The following NCALD variants were observed in gnomAD, a reference collection of about 807,000 sequenced individuals.
The protein encoded by NCALD is neurocalcin delta, also known as neurocalcin-delta.
NCALD carries 10 observed loss-of-function variants against 18.6 expected under a neutral mutation model. That is an observed-to-expected ratio of 0.54 (90% confidence interval 0.33 to 0.91). The LOEUF (loss-of-function observed/expected upper bound fraction) is 0.91, where lower values mean the gene tolerates loss of function less well. NCALD is among the 40% of genes least tolerant of loss of function. The pLI is 0.03. For missense variants in NCALD, 184 were observed against 247.6 expected (o/e 0.74, Z 1.72); for synonymous variants, 88 against 87.4 (o/e 1.01, Z -0.04).
intron 2 of NCALD, among the ~76,000 whole-genome samples, chr8:101,708,763 T>C (rs1815647124): frequency 6.6e-6 from 1 of 152,172 alleles, no homozygotes; most frequent in Admixed American, 6.5e-5. Context: ...CTGGGGTCTC[T>C]ACCCTTAATA....
At chr8:102,034,072 G>A (rs1207427679) in intron 1 of NCALD, among the ~76,000 whole-genome samples, 1 of 150,484 alleles carries the variant, frequency 6.6e-6, no homozygotes, top group African/African-American at 2.5e-5. Flanking sequence ...AGTTACAGAA[G>A]TAAGGGCTAT....
chr8:102,050,839 A>G (rs938937145), intron 1 of NCALD, among the ~76,000 whole-genome samples: 27 of 145,998 alleles, frequency 1.8e-4, no homozygotes, highest in Non-Finnish European at 3.3e-4. Context: ...TAATTTAATC[A>G]TTTTTAATTT....
chr8:102,082,787 T>A (rs1824594627), intron 1 of NCALD, among the ~76,000 whole-genome samples: 1 of 152,130 alleles, frequency 6.6e-6, no homozygotes, highest in Admixed American at 6.5e-5. Context: ...TTCCTGGCCG[T>A]AAGAGGCTGA....
chr8:101,748,263 CATTTACGTTTAGCAG>C (rs1810508546), intron 1 of NCALD, among the ~76,000 whole-genome samples: 1 of 152,154 alleles, frequency 6.6e-6, no homozygotes, highest in South Asian at 2.1e-4. Context: ...TTAATCTAAG[CATTTACGTTTAGCAG>C]ATTTATGACA....
At chr8:101,933,916 A>T (rs1429615406) in intron 2 of NCALD, among the ~76,000 whole-genome samples, 1 of 152,256 alleles carries the variant, frequency 6.6e-6, no homozygotes, top group Non-Finnish European at 1.5e-5. Flanking sequence ...GAGACTTCAT[A>T]AATATATGAT....
intron 1 of NCALD, among the ~76,000 whole-genome samples, chr8:102,086,837 T>C (rs1213785372): frequency 6.6e-6 from 1 of 152,154 alleles, no homozygotes; most frequent in Non-Finnish European, 1.5e-5. Context: ...AATATATTGC[T>C]GATAAAACAG....
intron 4 of NCALD, among the ~76,000 whole-genome samples, chr8:101,850,270 C>T (rs1341000995): frequency 1.3e-5 from 2 of 152,174 alleles, no homozygotes; most frequent in Non-Finnish European, 2.9e-5. Context: ...TGAAGCAGAA[C>T]CCAGATGACT....
chr8:101,879,329 T>C (rs989012608), intron 4 of NCALD, among the ~76,000 whole-genome samples: 1 of 152,188 alleles, frequency 6.6e-6, no homozygotes, highest in Non-Finnish European at 1.5e-5. Context: ...GCTGGGTTCG[T>C]GGTCTCACTG....
Position 101,689,420 on chromosome 8 carries a change from G to A in NCALD, c.485-14C>T, listed in dbSNP as rs1220983881. 1 of 1,583,928 alleles carries A rather than the reference G, an allele frequency of 6.3e-7. No homozygotes were observed. The highest frequency in any genetic ancestry group is 1.7e-4 in the Middle Eastern group (1 of 5,996). ...GGGAGAGTTTTCCTAGGAAGCAAGA[G>A]GACAGGTGAGTGGTGGCTGGTGGCA... On this transcript the variant is annotated splice_polypyrimidine_tract_variant and intron_variant, in intron 3 of 3. Coordinates refer to ENST00000220931, the MANE Select transcript of NCALD (RefSeq NM_032041.3). The surrounding 1 kb of genome is among the most constrained non-coding windows in gnomAD (Gnocchi z 4.4).
chr8:102,095,142 A>T (rs1825050788), intron 1 of NCALD, among the ~76,000 whole-genome samples: 1 of 152,212 alleles, frequency 6.6e-6, no homozygotes, highest in Non-Finnish European at 1.5e-5. Context: ...AGTGAGGCCC[A>T]TGTCACATGA....
intron 4 of NCALD, among the ~76,000 whole-genome samples, chr8:101,812,713 T>C (rs1813352311): frequency 6.6e-6 from 1 of 152,162 alleles, no homozygotes; most frequent in African/African-American, 2.4e-5. Flanking sequence ...CTAAAAGAAT[T>C]AGGGGCTTGA....
At chr8:102,009,668 G>GA (rs1372282505) in intron 2 of NCALD, among the ~76,000 whole-genome samples, 2 of 152,188 alleles carry the variant, frequency 1.3e-5, no homozygotes, top group Non-Finnish European at 2.9e-5. Context: ...CAGATTTGCT[G>GA]TTTCAGGTAA....
chr8:101,841,343 G>C (rs1286998184), intron 4 of NCALD, among the ~76,000 whole-genome samples: 1 of 152,150 alleles, frequency 6.6e-6, no homozygotes, highest in Non-Finnish European at 1.5e-5. Context: ...ACCCCTTGCT[G>C]TCCTCCTAAT....
At chr8:102,080,983 T>C (rs1350715245) in intron 1 of NCALD, among the ~76,000 whole-genome samples, 2 of 152,208 alleles carry the variant, frequency 1.3e-5, no homozygotes, top group African/African-American at 2.4e-5. Flanking sequence ...CCCCAAAGTG[T>C]GGTGTCCAGC....
At chr8:101,818,174 T>G (rs1041979930) in intron 4 of NCALD, among the ~76,000 whole-genome samples, 3 of 152,218 alleles carry the variant, frequency 2.0e-5, no homozygotes, top group African/African-American at 7.2e-5. Flanking sequence ...CTTCCATCCA[T>G]TCCATTATCA....
At chr8:102,004,823 C>A (rs1274699189) in intron 2 of NCALD, among the ~76,000 whole-genome samples, 3 of 152,078 alleles carry the variant, frequency 2.0e-5, no homozygotes, top group African/African-American at 7.2e-5. Flanking sequence ...AACTGGCTAG[C>A]CATATGTAGA....
chr8:101,922,848 G>T (rs924251743), intron 2 of NCALD, among the ~76,000 whole-genome samples: 3 of 152,088 alleles, frequency 2.0e-5, no homozygotes, highest in African/African-American at 7.2e-5. Context: ...CACAGTAAGA[G>T]ATTAACCACA....
chr8:101,816,731 T>C (rs1055439854), intron 4 of NCALD, among the ~76,000 whole-genome samples: 7 of 152,184 alleles, frequency 4.6e-5, no homozygotes, highest in African/African-American at 1.7e-4. Flanking sequence ...TGGATTCATG[T>C]CATTACACAT....
chr8:101,912,785 G>C (rs975925444), intron 3 of NCALD, among the ~76,000 whole-genome samples: 1 of 152,196 alleles, frequency 6.6e-6, no homozygotes, highest in Admixed American at 6.5e-5. Flanking sequence ...GTGCAGGCAC[G>C]ACCTGTGACT....
Sources: allele counts gnomAD v4.1 joint callset (sites outside exome capture counted in the v4.1 genomes callset), GRCh38; gene constraint gnomAD v4.1.1; non-coding constraint Gnocchi (gnomAD v3.1); transcripts MANE v1.5; gene names NCBI Gene and HGNC (gene_info 2026-07-23, HGNC 2026-07-21).